Variants in ADK observed in about 807,000 individuals in gnomAD.
ADK encodes the protein N6,N6-dimethyladenosine kinase.
Under a neutral mutation model 44.7 loss-of-function variants are expected in ADK, and 24 were observed. The observed-to-expected ratio is 0.54, with a 90% CI of 0.39 to 0.76. The LOEUF (loss-of-function observed/expected upper bound fraction) is 0.76, where lower values mean the gene tolerates loss of function less well. Among genes scored for constraint, ADK ranks in the 30% least tolerant of loss-of-function variants. The pLI, the probability that ADK is intolerant of heterozygous loss-of-function variation, is 0.00. For missense variants in ADK, 321 were observed against 425.1 expected, an observed-to-expected ratio of 0.76 and a Z score of 2.15; for synonymous variants, 128 against 142.6, an observed-to-expected ratio of 0.90 and a Z score of 0.73.
chr10:74,586,599 A>G (rs1160789972), intron 7 of ADK, among the ~76,000 whole-genome samples: 1 of 152,158 alleles, frequency 6.6e-6, no homozygotes, highest in Non-Finnish European at 1.5e-5. Context: ...CATACCTGTA[A>G]TCCCAGAACT....
chr10:74,353,326 A>G (rs1842029694), intron 4 of ADK, among the ~76,000 whole-genome samples: 1 of 152,076 alleles, frequency 6.6e-6, no homozygotes, highest in African/African-American at 2.4e-5. Flanking sequence ...CAAACACCAC[A>G]TGTTCTCATT....
At chr10:74,383,192 A>G (rs919600841) in intron 4 of ADK, among the ~76,000 whole-genome samples, 1 of 152,164 alleles carries the variant, frequency 6.6e-6, no homozygotes, top group African/African-American at 2.4e-5. Context: ...TTCTATGCTG[A>G]ACCTTTAACC....
intron 6 of ADK, among the ~76,000 whole-genome samples, chr10:74,444,851 T>C (rs2133156649): frequency 6.6e-6 from 1 of 150,842 alleles, no homozygotes; most frequent in East Asian, 1.9e-4. Context: ...CTGCTTTATT[T>C]CCCACCAGAA....
chr10:74,288,524 C>T (rs1297852779), intron 3 of ADK, among the ~76,000 whole-genome samples: 2 of 152,060 alleles, frequency 1.3e-5, no homozygotes, highest in Non-Finnish European at 2.9e-5. Context: ...GTGGCGGGCA[C>T]CTATAATCCC....
chr10:74,184,007 C>T lies in ADK; in HGVS notation c.66-16757C>T, dbSNP rs550390540. On this transcript the variant is annotated intron_variant, in intron 1 of 10. Coordinates refer to ENST00000539909, the MANE Select transcript of ADK (RefSeq NM_006721.4). Reference sequence around the variant, plus strand: ...TCTCAGCTCACCGCAACCTCCGCCTCCCGGATTCAAGCAATTCTCCCTGCC... The same window carrying T: ...TCTCAGCTCACCGCAACCTCCGCCTTCCGGATTCAAGCAATTCTCCCTGCC... Among the ~76,000 whole-genome samples, 6 of 152,188 alleles carry T rather than the reference C, an allele frequency of 3.9e-5. No homozygotes were observed. In the South Asian group the frequency reaches 1.2e-3, roughly 32 times the overall value.
chr10:74,357,184 C>T (rs1842174305), intron 4 of ADK, among the ~76,000 whole-genome samples: 1 of 152,142 alleles, frequency 6.6e-6, no homozygotes, highest in Non-Finnish European at 1.5e-5. Context: ...AATAAATTGT[C>T]TTTGTTTCTG....
chr10:74,492,318 T>G (rs1008844931), intron 6 of ADK, among the ~76,000 whole-genome samples: 1 of 152,092 alleles, frequency 6.6e-6, no homozygotes, highest in Non-Finnish European at 1.5e-5. Flanking sequence ...CATGTTACAT[T>G]TAGTTGTCAT....
intron 9 of ADK, among the ~76,000 whole-genome samples, chr10:74,663,928 G>A (rs538193785): frequency 2.6e-5 from 4 of 151,976 alleles, no homozygotes; most frequent in African/African-American, 4.8e-5. Context: ...AAGCATTTCC[G>A]GATTCTCATT....
intron 1 of ADK, among the ~76,000 whole-genome samples, chr10:74,166,534 G>A (rs1330871538): frequency 6.6e-6 from 1 of 151,874 alleles, no homozygotes; most frequent in Non-Finnish European, 1.5e-5. Flanking sequence ...CACCCAGGCT[G>A]GTCTGAAACT....
intron 9 of ADK, among the ~76,000 whole-genome samples, chr10:74,616,397 A>AT (rs1852761317): frequency 6.6e-6 from 1 of 152,112 alleles, no homozygotes; most frequent in Non-Finnish European, 1.5e-5. Flanking sequence ...TTATATATAT[A>AT]TATAAGGTGT....
intron 3 of ADK, among the ~76,000 whole-genome samples, chr10:74,307,016 C>T (rs1840276694): frequency 6.6e-6 from 1 of 152,042 alleles, no homozygotes; most frequent in South Asian, 2.1e-4. Flanking sequence ...CCCCTATTGC[C>T]CCCTTCCTTA....
At chr10:74,599,997 T>C (rs1265752226) in intron 8 of ADK, among the ~76,000 whole-genome samples, 1 of 152,170 alleles carries the variant, frequency 6.6e-6, no homozygotes, top group Non-Finnish European at 1.5e-5. Context: ...TTAGTCATTG[T>C]TAATAATTTT....
intron 10 of ADK, among the ~76,000 whole-genome samples, chr10:74,685,747 T>TGACA (rs1564851817): frequency 1.3e-5 from 2 of 152,210 alleles, no homozygotes. Flanking sequence ...TTCTTGAGAA[T>TGACA]GACAGCATGT....
chr10:74,666,774 A>G (rs2134185655), intron 9 of ADK, among the ~76,000 whole-genome samples: 1 of 150,844 alleles, frequency 6.6e-6, no homozygotes, highest in Non-Finnish European at 1.5e-5. Context: ...CATATAATAA[A>G]TTTCCTAGAA....
At chr10:74,313,914 T>C (rs897046404) in intron 3 of ADK, among the ~76,000 whole-genome samples, 3 of 152,044 alleles carry the variant, frequency 2.0e-5, no homozygotes, top group African/African-American at 7.2e-5. Context: ...TTTTTACCCA[T>C]GCATATTTTG....
At position 74,649,113 on chromosome 10, in the gene ADK, A is replaced by AAC. The variant is rs560865592; in HGVS notation, c.878-21070_878-21069insAC. ...GGAGAATCACTTGAACCCCGGAGGT[A>AAC]GGGGCAGGAGAATCACTTGAACCTG... On this transcript the variant is annotated intron_variant, in intron 9 of 10. Transcript: ENST00000539909. Among the ~76,000 whole-genome samples, 465 of 151,846 alleles carry AAC rather than the reference A, an allele frequency of 3.1e-3. 2 individuals carry two copies. The highest frequency in any genetic ancestry group is 0.013 in the South Asian group (62 of 4,792).
rs140983925 is a variant in ADK at position 74,437,683 on chromosome 10, C to T, written c.555+39104C>T. Among the ~76,000 whole-genome samples the T allele has an allele frequency of 9.5e-3, 1,441 of 152,292 alleles. 24 individuals are homozygous for T. Among genetic ancestry groups the T allele is most frequent in the African/African-American group, 0.033 (1,373 of 41,550 alleles). On this transcript the variant is annotated intron_variant, in intron 6 of 10. Transcript: ENST00000539909. ...CCTTCTACTTTTTAACCCTTTCAAA[C>T]CATTCTCCACAGAATAGCTGGAGTG...
intron 4 of ADK, among the ~76,000 whole-genome samples, chr10:74,323,772 G>C (rs549668681): frequency 7.9e-5 from 12 of 151,880 alleles, no homozygotes; most frequent in African/African-American, 2.9e-4. Context: ...AGGTTTCACC[G>C]TGTTAGCCAG....
Position 74,347,662 on chromosome 10 carries a change from C to G in ADK, c.273+32917C>G, listed in dbSNP as rs188355444. On this transcript the variant is annotated intron_variant, in intron 4 of 10. Coordinates refer to ENST00000539909, the MANE Select transcript of ADK (RefSeq NM_006721.4). ...CCCACGGAGCCCAGTAAGCTAAGAA[C>G]CACTGGCTTAACATTCTCACTGCCA... Among the ~76,000 whole-genome samples the G allele has an allele frequency of 4.6e-5, 7 of 152,272 alleles. No homozygotes were observed. The East Asian group carries it at 1.4e-3, about 29-fold the overall frequency.
Sources: allele counts gnomAD v4.1 joint callset (sites outside exome capture counted in the v4.1 genomes callset), GRCh38; gene constraint gnomAD v4.1.1; transcripts MANE v1.5; gene names NCBI Gene and HGNC (gene_info 2026-07-23, HGNC 2026-07-21).